The following CCDC181 variants were observed in gnomAD, a reference collection of about 807,000 sequenced individuals.
The protein encoded by CCDC181 is coiled-coil domain-containing protein 181.
In CCDC181, 35 loss-of-function variants were observed where a neutral mutation model predicts 58.7. The ratio of observed to expected loss-of-function variants is 0.60; its 90% CI spans 0.46 to 0.79. The LOEUF is 0.79. Ranked by LOEUF, CCDC181 falls within the 30% of genes least tolerant of loss-of-function variation. The pLI, the probability that CCDC181 is intolerant of heterozygous loss-of-function variation, is 0.00. For synonymous variants in CCDC181, 183 were observed against 197.5 expected (o/e 0.93, Z 0.62); for missense variants, 517 against 583.9 (o/e 0.89, Z 1.18).
intron 2 of CCDC181, among the ~76,000 whole-genome samples, chr1:169,441,971 T>C (rs897622595): frequency 6.6e-6 from 1 of 152,152 alleles, no homozygotes; most frequent in South Asian, 2.1e-4. Context: ...TCATTTACTA[T>C]ACTATGTATA....
At chr1:169,429,169 A>G (rs965352218), upstream of CCDC181, among the ~76,000 whole-genome samples, 4 of 152,148 alleles carry the variant, frequency 2.6e-5, no homozygotes, top group Non-Finnish European at 5.9e-5. Flanking sequence ...ATTCCATGGT[A>G]TGTATATGTA....
At position 169,427,407 on chromosome 1, in the gene CCDC181, A is replaced by C. The variant is rs970144881; in HGVS notation, c.-143T>G. ...CCCGGCACCTGCCTCCGCGGCAGCC[A>C]GGACCACACTGCCATGGCAACAGCG... On this transcript the variant is annotated 5_prime_UTR_variant, in exon 1 of 6. Transcript: ENST00000367806. The C allele has an allele frequency of 6.6e-6, 1 of 152,392 alleles. No homozygotes were observed. The highest frequency in any genetic ancestry group is 2.4e-5 in the African/African-American group (1 of 41,462). The allele number at this position is 152,392 out of a possible 1,614,324, so 9.4% of individuals were successfully genotyped here.
intron 2 of CCDC181, among the ~76,000 whole-genome samples, chr1:169,453,543 G>T (rs1262150362): frequency 1.3e-5 from 2 of 151,986 alleles, no homozygotes; most frequent in East Asian, 1.9e-4. Context: ...CATATTTTTT[G>T]GTTTATTCTG....
At chr1:169,416,624 A>C (rs929048840) in intron 4 of CCDC181, among the ~76,000 whole-genome samples, 2 of 152,164 alleles carry the variant, frequency 1.3e-5, no homozygotes, top group African/African-American at 4.8e-5. Context: ...TACCTTTGCT[A>C]TATCTTTCAA....
chr1:169,421,686 C>G lies in CCDC181; in HGVS notation c.745G>C (p.Glu249Gln). ...LPPINNANST[E>Q]NDPQQLLPRS... is the part of the protein sequence containing the mutation. ...GGTAACAACTGCTGAGGGTCATTTTCTGTACTATTTGCATTATTAATGGGA... is the reference window on the plus strand; with the variant it reads ...GGTAACAACTGCTGAGGGTCATTTTGTGTACTATTTGCATTATTAATGGGA... Residue 249 changes from glutamate to glutamine, a missense_variant, in exon 3 of 6, where the codon GAA becomes CAA. By Grantham distance (29) the Glu-to-Gln change is conservative. Coordinates refer to ENST00000367806, the MANE Select transcript of CCDC181 (RefSeq NM_001300969.2). 1 of 1,614,044 alleles carries G rather than the reference C, an allele frequency of 6.2e-7. No individual in the cohort carries two copies. The highest frequency in any genetic ancestry group is 8.5e-7 in the Non-Finnish European group (1 of 1,179,998).
intron 2 of CCDC181, chr1:169,459,791 A>T (rs1335866819): frequency 6.6e-6 from 1 of 151,510 alleles, no homozygotes; most frequent in African/African-American, 2.4e-5. Flanking sequence ...AGAGATTAGT[A>T]CTGACCTAGA....
intron 2 of CCDC181, among the ~76,000 whole-genome samples, chr1:169,438,061 G>T (rs1657104829): frequency 6.6e-6 from 1 of 152,070 alleles, no homozygotes; most frequent in African/African-American, 2.4e-5. Context: ...CAGCCTGCCA[G>T]GCTGGCTTGA....
chr1:169,418,759 T>C (rs1209670205), intron 4 of CCDC181: 1 of 493,948 alleles, frequency 2.0e-6, no homozygotes, highest in East Asian at 3.2e-5. Context: ...AAGTTACACC[T>C]TGAAAAAACG....
intron 4 of CCDC181, among the ~76,000 whole-genome samples, chr1:169,398,971 A>T (rs990142204): frequency 6.6e-6 from 1 of 152,194 alleles, no homozygotes; most frequent in Non-Finnish European, 1.5e-5. Context: ...CTAAGAAGGG[A>T]TTGTGTTTGG....
At chr1:169,396,229 G>C (rs1422509127) in intron 5 of CCDC181, 2 of 152,114 alleles carry the variant, frequency 1.3e-5, no homozygotes, top group African/African-American at 4.8e-5. Flanking sequence ...CACATTTACT[G>C]TTTCTGTTAT....
chr1:169,421,427 A>G lies in CCDC181; in HGVS notation c.1004T>C (p.Leu335Pro). ...TTGTAGTTCTTTCTGTCGAGGGGAAAGACAGTATGTTGAAGTCACTGGTGA... is the reference window on the plus strand; with the variant it reads ...TTGTAGTTCTTTCTGTCGAGGGGAAGGACAGTATGTTGAAGTCACTGGTGA... ...HISPVTSTYC[L>P]SPRQKELQKQ... The change falls in exon 3 of 6, where the codon CTT becomes CCT. Residue 335 changes from leucine to proline, a missense_variant. By Grantham distance (98) the Leu-to-Pro change is moderately conservative (BLOSUM62 -3). Coordinates refer to ENST00000367806, the MANE Select transcript of CCDC181 (RefSeq NM_001300969.2). The G allele has an allele frequency of 6.2e-7, 1 of 1,613,878 alleles. No individual in the cohort carries two copies. The highest frequency in any genetic ancestry group is 8.5e-7 in the Non-Finnish European group (1 of 1,179,986).
chr1:169,430,482 A>T (rs1363716303), upstream of CCDC181, among the ~76,000 whole-genome samples: 1 of 151,990 alleles, frequency 6.6e-6, no homozygotes, highest in East Asian at 1.9e-4. Context: ...AGTGTTTTTT[A>T]GTTTTCCTTG....
chr1:169,453,587 A>G (rs1469505337), intron 2 of CCDC181, among the ~76,000 whole-genome samples: 1 of 151,996 alleles, frequency 6.6e-6, no homozygotes, highest in Admixed American at 6.6e-5. Flanking sequence ...CCTGACTACA[A>G]ACATGGATCA....
At chr1:169,411,633 G>C (rs774978093) in intron 4 of CCDC181, among the ~76,000 whole-genome samples, 38 of 152,132 alleles carry the variant, frequency 2.5e-4, no homozygotes, top group Non-Finnish European at 3.4e-4. Context: ...GTGAAAATTC[G>C]CAATAAAATA....
chr1:169,449,689 C>T (rs1657478900), intron 2 of CCDC181, among the ~76,000 whole-genome samples: 1 of 152,238 alleles, frequency 6.6e-6, no homozygotes, highest in Admixed American at 6.5e-5. Flanking sequence ...GGGCAGGAAG[C>T]ATCCAGCATG....
rs1304986097 is a variant in CCDC181 at position 169,427,286 on chromosome 1, G to C, written c.-24+2C>G. The C allele has an allele frequency of 6.6e-6, 1 of 152,396 alleles. No homozygotes were observed. The highest frequency in any genetic ancestry group is 1.5e-5 in the Non-Finnish European group (1 of 68,306). 9.4% of individuals were successfully genotyped at this position (152,396 alleles called of 1,614,324 possible). On this transcript the variant is annotated splice_donor_variant, in intron 1 of 5. Transcript: ENST00000367806. LOFTEE classifies it low-confidence loss of function (5UTR_SPLICE). The stretch of plus-strand genomic sequence containing the variant: ...CCTTCTCTCCCTCTATATCCCTCTT[G>C]CCTGTGTAAAATGCGGCGGCTGGGA...
intron 4 of CCDC181, among the ~76,000 whole-genome samples, chr1:169,408,233 G>A (rs11808561): frequency 6.6e-6 from 1 of 152,240 alleles, no homozygotes; most frequent in Non-Finnish European, 1.5e-5. Context: ...CTTCTTGTGG[G>A]AAGGGGTGTC....
rs529244674 is a variant in CCDC181, at chr1:169,421,614, T to C, written c.817A>G (p.Thr273Ala). The C allele has an allele frequency of 3.0e-5, 49 of 1,614,174 alleles. 2 individuals are homozygous for C. The South Asian group carries it at 4.7e-4, about 16-fold the overall frequency. ...SVSGTKKEDS[T>A]AKIHAVTHSS... The stretch of plus-strand genomic sequence containing the variant: ...TGAGTGACAGCATGAATCTTTGCTG[T>C]AGAATCTTCTTTCTTGGTGCCACTG... The change falls in exon 3 of 6, where the codon ACA (threonine) becomes GCA (alanine). Residue 273 changes from threonine to alanine, a missense_variant. Coordinates refer to ENST00000367806, the MANE Select transcript of CCDC181 (RefSeq NM_001300969.2).
chr1:169,408,556 G>A (rs910500294), intron 4 of CCDC181, among the ~76,000 whole-genome samples: 1 of 152,232 alleles, frequency 6.6e-6, no homozygotes, highest in African/African-American at 2.4e-5. Flanking sequence ...CTAAGGGACA[G>A]ACTGCCTCCT....
Sources: gnomAD v4.1 joint callset for allele counts (sites outside exome capture counted in the v4.1 genomes callset) on GRCh38, gnomAD v4.1.1 for gene constraint, MANE v1.5 for transcripts, NCBI Gene and HGNC (gene_info 2026-07-23, HGNC 2026-07-21) for gene names.